Variants in BPTF observed in about 807,000 individuals in gnomAD.
The protein encoded by BPTF is bromodomain PHD finger transcription factor, also known as nucleosome-remodeling factor subunit BPTF.
A neutral mutation model predicts 292.5 loss-of-function variants in BPTF; 18 were observed. The observed-to-expected ratio is 0.06, with a 90% CI of 0.04 to 0.09. The LOEUF (loss-of-function observed/expected upper bound fraction) is 0.09, where lower values mean the gene tolerates loss of function less well. Among genes scored for constraint, BPTF ranks in the 10% least tolerant of loss-of-function variants. BPTF has a pLI of 1.00. For synonymous variants in BPTF, 1,225 were observed against 1,251.9 expected (o/e 0.98, Z 0.45); for missense variants, 2,726 against 3,498.7 (o/e 0.78, Z 5.57).
At chr17:67,913,916 G>T (rs1417187643) in intron 11 of BPTF, among the ~76,000 whole-genome samples, 2 of 152,114 alleles carry the variant, frequency 1.3e-5, no homozygotes, top group East Asian at 3.8e-4. Context: ...AATAGTGCCC[G>T]GTTTTCCTAA....
chr17:67,905,077 C>T (rs571789113), intron 9 of BPTF, among the ~76,000 whole-genome samples: 10 of 152,142 alleles, frequency 6.6e-5, no homozygotes, highest in East Asian at 5.8e-4. Flanking sequence ...TTTTAGAAGA[C>T]GCCTCAGCCG....
chr17:67,890,967 A>C (rs183733815), intron 4 of BPTF, among the ~76,000 whole-genome samples: 353 of 152,276 alleles, frequency 2.3e-3, no homozygotes, highest in Non-Finnish European at 4.0e-3. Context: ...GTAGTTTTAG[A>C]ATGTATACAA....
At position 67,840,457 on chromosome 17, in the gene BPTF, TC is replaced by T. The variant is rs772172883; in HGVS notation, c.614-13482del. 6.3e-3 allele frequency among the ~76,000 whole-genome samples: 907 copies of T among 142,842 alleles called. 4 individuals are homozygous for T. Among genetic ancestry groups the T allele is most frequent in the Middle Eastern group, 0.022 (6 of 274 alleles). 93.7% of individuals were successfully genotyped at this position (142,842 alleles called of 152,430 possible). A position where few individuals can be genotyped will look rare whatever the true frequency, so the allele number is the denominator to read the frequency against. On this transcript the variant is annotated intron_variant, in intron 1 of 27. Transcript: ENST00000306378. ...TGTTTAATTGGGTTGCTGCTGCTCC[TC>T]TTGTTGTTGTTGTTGCTGCTGCTGC...
intron 10 of BPTF, among the ~76,000 whole-genome samples, chr17:67,910,149 TC>T (rs1282023633): frequency 1.3e-5 from 2 of 152,232 alleles, no homozygotes; most frequent in African/African-American, 4.8e-5. Flanking sequence ...GCTGGCTTCA[TC>T]CACTTAGCAT....
chr17:67,865,426 T>C (rs368038500), intron 2 of BPTF, among the ~76,000 whole-genome samples: 33 of 152,346 alleles, frequency 2.2e-4, no homozygotes, highest in African/African-American at 7.2e-4. Context: ...TTAAGTCTTA[T>C]AGTGGCCTGC....
intron 27 of BPTF, among the ~76,000 whole-genome samples, chr17:67,980,113 G>A (rs1555696110): frequency 6.6e-6 from 1 of 152,078 alleles, no homozygotes; most frequent in Non-Finnish European, 1.5e-5. Flanking sequence ...GGGAGGCTGA[G>A]GTGGGTGAAT....
At chr17:67,937,198 A>T (rs1015348826) in intron 18 of BPTF, among the ~76,000 whole-genome samples, 1 of 152,120 alleles carries the variant, frequency 6.6e-6, no homozygotes, top group Non-Finnish European at 1.5e-5. Context: ...GCTCACGCCT[A>T]ATATACCAGC....
At chr17:67,879,066 C>G (rs1368977665) in intron 4 of BPTF, among the ~76,000 whole-genome samples, 1 of 75,720 alleles carries the variant, frequency 1.3e-5, no homozygotes, top group Non-Finnish European at 2.3e-5. Context: ...TCTTTAGTAT[C>G]AGGAATATTT....
chr17:67,881,856 T>C lies in BPTF; in HGVS notation c.1864+6836T>C, dbSNP rs575507709. ...ATGGAGTTTTGGGGATTTTGGGTTT[T>C]TGTTTTTTTTTTTTTTTTTTTTTTT... On this transcript the variant is annotated intron_variant, in intron 4 of 27. Transcript: ENST00000306378. 7.6e-3 allele frequency among the ~76,000 whole-genome samples: 113 copies of C among 14,826 alleles called. 1 individual carries two copies. The highest frequency in any genetic ancestry group is 0.025 in the African/African-American group (109 of 4,376). 9.7% of individuals were successfully genotyped at this position (14,826 alleles called of 152,430 possible).
At chr17:67,887,314 A>C (rs2060813513) in intron 4 of BPTF, among the ~76,000 whole-genome samples, 1 of 151,930 alleles carries the variant, frequency 6.6e-6, no homozygotes, top group African/African-American at 2.4e-5. Context: ...TCTTTAATGA[A>C]TTTTAGGAAT....
At chr17:67,918,394 G>T (rs368597009) in intron 11 of BPTF, among the ~76,000 whole-genome samples, 4 of 151,876 alleles carry the variant, frequency 2.6e-5, no homozygotes, top group Admixed American at 1.3e-4. Flanking sequence ...TTGGAATTAG[G>T]TTAACTTTAT....
chr17:67,883,736 G>A (rs1052983358), intron 4 of BPTF, among the ~76,000 whole-genome samples: 3 of 152,262 alleles, frequency 2.0e-5, no homozygotes, highest in Admixed American at 1.3e-4. Flanking sequence ...AGGTAGCTGG[G>A]ATTACAGGCG....
In BPTF at chr17:67,966,568, A is replaced by G. The variant is rs2068125177; in HGVS notation, c.8455-4A>G. On this transcript the variant is annotated splice_polypyrimidine_tract_variant and splice_region_variant and intron_variant, in intron 25 of 27. Coordinates refer to ENST00000306378, the MANE Select transcript of BPTF (RefSeq NM_182641.4). ...ACAATAATGATGCTGCTTTTTCATT[A>G]TAGGCCCATAAGATGGCCTGGCCTT... The G allele has an allele frequency of 6.2e-7, 1 of 1,610,312 alleles. No homozygotes were observed. The highest frequency in any genetic ancestry group is 8.5e-7 in the Non-Finnish European group (1 of 1,177,390).
At chr17:67,949,876 G>A (rs1341398699) in intron 23 of BPTF, among the ~76,000 whole-genome samples, 1 of 150,836 alleles carries the variant, frequency 6.6e-6, no homozygotes, top group East Asian at 2.0e-4. Context: ...CTAACGTGGT[G>A]AAACTCCGTC....
chr17:67,909,827 C>A, intron 10 of BPTF, 66 bp downstream of exon 10: 2 of 1,329,410 alleles, frequency 1.5e-6, no homozygotes, highest in Non-Finnish European at 2.0e-6. Flanking sequence ...AGGGTCCCAC[C>A]ACAGGAAAGG....
At chr17:67,965,332 G>A (rs2067981461) in intron 25 of BPTF, 1 of 151,072 alleles carries the variant, frequency 6.6e-6, no homozygotes, top group Non-Finnish European at 1.5e-5. Flanking sequence ...GACAGTGTGA[G>A]ACTCTGTCTC....
chr17:67,886,054 C>A, intron 4 of BPTF: 1 of 1,127,832 alleles, frequency 8.9e-7, no homozygotes. Flanking sequence ...AATCCTAAAA[C>A]AATTGTCTTT....
rs760023134 is a variant in BPTF, at chr17:67,913,204, G to A, written c.5303+17G>A. 8 of 1,544,050 alleles carry A rather than the reference G, an allele frequency of 5.2e-6. No individual in the cohort carries two copies. In the African/African-American group the frequency reaches 9.8e-5, roughly 19 times the overall value. ...CACTTGGAGGTATGTACTTTAAAATGTATTTGGGGGAGGGAGAAAATTTTA... is the reference window on the plus strand; with the variant it reads ...CACTTGGAGGTATGTACTTTAAAATATATTTGGGGGAGGGAGAAAATTTTA... On this transcript the variant is annotated intron_variant, in intron 11 of 27. Coordinates refer to ENST00000306378, the MANE Select transcript of BPTF (RefSeq NM_182641.4).
chr17:67,861,825 G>A (rs2059099815), intron 2 of BPTF, among the ~76,000 whole-genome samples: 1 of 152,154 alleles, frequency 6.6e-6, no homozygotes, highest in South Asian at 2.1e-4. Context: ...CTAAAAACCT[G>A]TTGGCTAACT....
Sources: gnomAD v4.1 joint callset for allele counts (sites outside exome capture counted in the v4.1 genomes callset) on GRCh38, gnomAD v4.1.1 for gene constraint, MANE v1.5 for transcripts, NCBI Gene and HGNC (gene_info 2026-07-23, HGNC 2026-07-21) for gene names.